Variants in RABGEF1 observed in about 807,000 individuals in gnomAD.
RABGEF1 encodes RAB guanine nucleotide exchange factor 1.
A neutral mutation model predicts 57.3 loss-of-function variants in RABGEF1; 26 were observed. The observed-to-expected ratio is 0.45, with a 90% CI of 0.33 to 0.63. The LOEUF is 0.63. Among genes scored for constraint, RABGEF1 ranks in the 20% least tolerant of loss-of-function variants. The pLI is 0.02. For missense variants in RABGEF1, 464 were observed against 607.6 expected, an observed-to-expected ratio of 0.76 and a Z score of 2.48; for synonymous variants, 185 against 210.7, an observed-to-expected ratio of 0.88 and a Z score of 1.06.
intron 2 of RABGEF1, among the ~76,000 whole-genome samples, chr7:66,733,265 T>C (rs1797547878): frequency 6.6e-6 from 1 of 152,112 alleles, no homozygotes; most frequent in South Asian, 2.1e-4. Context: ...GCCTCCCCAC[T>C]TTCTCCCAGC....
intron 2 of RABGEF1, among the ~76,000 whole-genome samples, chr7:66,727,218 T>C (rs963233576): frequency 6.6e-6 from 1 of 152,226 alleles, no homozygotes; most frequent in Non-Finnish European, 1.5e-5. Flanking sequence ...TGCTGACTAA[T>C]GGAAGGTGGG....
intron 1 of RABGEF1, among the ~76,000 whole-genome samples, chr7:66,746,013 G>T (rs978870239): frequency 7.2e-5 from 11 of 152,102 alleles, no homozygotes; most frequent in African/African-American, 1.7e-4. Flanking sequence ...CTTATTAAAT[G>T]TACACTTCTT....
Position 66,771,919 on chromosome 7 carries a change from G to C in RABGEF1, c.20G>C (p.Arg7Pro). The C allele has an allele frequency of 6.4e-7, 1 of 1,557,234 alleles. No individual in the cohort carries two copies. The highest frequency in any genetic ancestry group is 8.7e-7 in the Non-Finnish European group (1 of 1,151,012). Residue 7 changes from arginine to proline, a missense_variant, in exon 2 of 9, where the codon CGC becomes CCC. Around this residue, in one of 4 missense-constraint regions of RABGEF1, gnomAD observed 17 missense variants for 19.4 expected, o/e 0.88. Transcript: ENST00000284957. ...AAGAAGATGAGCCTTAAGTCTGAACGCCGAGGAATTCATGTGGATCAATCG... is the reference window on the plus strand; with the variant it reads ...AAGAAGATGAGCCTTAAGTCTGAACCCCGAGGAATTCATGTGGATCAATCG... MSLKSE[R>P]RGIHVDQSDL...
intron 4 of RABGEF1, 118 bp from the exon 5 acceptor site, chr7:66,795,393 G>T: frequency 1.3e-6 from 1 of 767,924 alleles, no homozygotes; most frequent in South Asian, 1.4e-5. Flanking sequence ...TATAACCTGT[G>T]AGTACTTTTA....
chr7:66,673,243 G>A, the RABGEF1 span, among the ~76,000 whole-genome samples: 3 of 148,808 alleles, frequency 2.0e-5, no homozygotes, highest in Non-Finnish European at 3.0e-5. Flanking sequence ...AAAATAGGTG[G>A]TTCAGGGCAT....
At chr7:66,785,860 C>T (rs903918747) in intron 4 of RABGEF1, among the ~76,000 whole-genome samples, 2 of 149,392 alleles carry the variant, frequency 1.3e-5, no homozygotes, top group East Asian at 2.0e-4. Context: ...GATGACAGAG[C>T]GAGACTCCAT....
At chr7:66,772,649 C>T (rs1342116527) in intron 2 of RABGEF1, among the ~76,000 whole-genome samples, 3 of 152,138 alleles carry the variant, frequency 2.0e-5, no homozygotes, top group African/African-American at 7.2e-5. Context: ...TGGCTCACGC[C>T]TGTAATCCTA....
At position 66,775,400 on chromosome 7, in the gene RABGEF1, T is replaced by C. The variant is rs1416782994; in HGVS notation, c.346+7T>C. ...AGGGTCGGATCAAAGAAGGGTAATG[T>C]TCTGATACTCTTTTTTTTCTTCTCT... On this transcript the variant is annotated splice_region_variant and intron_variant, in intron 3 of 8. Transcript: ENST00000284957. 1 of 1,612,520 alleles carries C rather than the reference T, an allele frequency of 6.2e-7. No homozygotes were observed. The highest frequency in any genetic ancestry group is 1.7e-5 in the Admixed American group (1 of 59,840).
intron 1 of RABGEF1, among the ~76,000 whole-genome samples, chr7:66,761,934 C>T (rs1356691083): frequency 6.6e-6 from 1 of 151,968 alleles, no homozygotes; most frequent in African/African-American, 2.4e-5. Context: ...ACCTATAGTA[C>T]CAGTTACTTG....
intron 7 of RABGEF1, among the ~76,000 whole-genome samples, chr7:66,803,036 C>T (rs1277540385): frequency 1.3e-5 from 2 of 152,026 alleles, no homozygotes; most frequent in Admixed American, 6.5e-5. Flanking sequence ...CAATCTTACC[C>T]AATTCTTATT....
intron 1 of RABGEF1, among the ~76,000 whole-genome samples, chr7:66,764,988 A>G (rs558485434): frequency 2.6e-5 from 4 of 152,224 alleles, no homozygotes; most frequent in South Asian, 2.1e-4. Context: ...CATTGGGCCC[A>G]TCTAGATATC....
At chr7:66,682,705 G>A (rs1584583889) in intron 1 of RABGEF1, among the ~76,000 whole-genome samples, 1 of 24 alleles carries the variant, frequency 0.042, no homozygotes, top group East Asian at 0.5. Context: ...GCCCCCGGCC[G>A]CGGCAGGGCG....
chr7:66,708,397 C>T lies in RABGEF1; in HGVS notation c.-872-3770C>T, dbSNP rs1794379893. 2.0e-5 allele frequency among the ~76,000 whole-genome samples: 3 copies of T among 152,016 alleles called. No individual in the cohort carries two copies. The South Asian group carries it at 6.2e-4, about 32-fold the overall frequency. ...TCGCTTCCTGGGTTCAAGTGATTCT[C>T]CTGCCCCAGCCTCCCAAGTAGCTGG... On this transcript the variant is annotated intron_variant and NMD_transcript_variant, in intron 1 of 9. Transcript: ENST00000607882.
rs1806441400 is a variant in RABGEF1, at chr7:66,769,071, CT to C, written c.-17-2809del. 5 of 152,292 alleles carry C rather than the reference CT, an allele frequency of 3.3e-5. No homozygotes were observed. In the South Asian group the frequency reaches 1.0e-3, roughly 31 times the overall value. 9.4% of individuals were successfully genotyped at this position (152,292 alleles called of 1,614,324 possible). A position where few individuals can be genotyped will look rare whatever the true frequency, so the allele number is the denominator to read the frequency against. On this transcript the variant is annotated intron_variant, in intron 1 of 8. Transcript: ENST00000284957. ...ATTCTCTCTGGCTGTTAGGAGTTCC[CT>C]TTCACATGGCTGGAGCCCAAACTAG...
intron 1 of RABGEF1, among the ~76,000 whole-genome samples, chr7:66,690,803 G>T (rs1791405240): frequency 6.6e-6 from 1 of 151,874 alleles, no homozygotes; most frequent in Non-Finnish European, 1.5e-5. Context: ...ATTGTATAAG[G>T]CCAGGTGCGG....
intron 1 of RABGEF1, among the ~76,000 whole-genome samples, chr7:66,683,241 G>A (rs1038724736): frequency 2.6e-5 from 4 of 152,154 alleles, no homozygotes; most frequent in African/African-American, 4.8e-5. Flanking sequence ...GCCTCCCAGA[G>A]TGCTGGGATT....
chr7:66,748,982 C>A, intron 1 of RABGEF1: 1 of 194,744 alleles, frequency 5.1e-6, no homozygotes, highest in African/African-American at 2.4e-5. Flanking sequence ...GCTGGGTTCC[C>A]TGAGGCTCTT....
At chr7:66,682,974 A>G (rs1379278262) in intron 1 of RABGEF1, among the ~76,000 whole-genome samples, 4 of 152,222 alleles carry the variant, frequency 2.6e-5, no homozygotes, top group East Asian at 1.9e-4. Flanking sequence ...TCTCAGCGCG[A>G]GTGACCAATC....
At chr7:66,693,267 C>CA (rs1480451016) in intron 1 of RABGEF1, among the ~76,000 whole-genome samples, 1 of 152,154 alleles carries the variant, frequency 6.6e-6, no homozygotes, top group African/African-American at 2.4e-5. Flanking sequence ...ACTTCACAGT[C>CA]ATGTATGTTT....
Sources: gnomAD v4.1 joint callset for allele counts (sites outside exome capture counted in the v4.1 genomes callset) on GRCh38, gnomAD v4.1.1 for gene constraint, gnomAD v4.1.1 regional missense constraint, MANE v1.5 for transcripts, NCBI Gene and HGNC (gene_info 2026-07-23, HGNC 2026-07-21) for gene names.